DNAH17: variants seen among roughly 807,000 people sequenced by gnomAD.
The protein encoded by DNAH17 is axonemal beta dynein heavy chain 17.
Under a neutral mutation model 485.6 loss-of-function variants are expected in DNAH17, and 376 were observed. The ratio of observed to expected loss-of-function variants is 0.77; its 90% CI spans 0.71 to 0.84. The LOEUF is 0.84. DNAH17 is among the 40% of genes least tolerant of loss of function. The pLI, the probability that DNAH17 is intolerant of heterozygous loss-of-function variation, is 0.00. For synonymous variants in DNAH17, 3,031 were observed against 2,405.9 expected, an observed-to-expected ratio of 1.26 and a Z score of -7.60; for missense variants, 6,370 against 5,839.3, an observed-to-expected ratio of 1.09 and a Z score of -2.96.
At chr17:78,569,125 C>G (rs1305375778) in intron 9 of DNAH17, 41 bp downstream of exon 9, 1 of 1,495,730 alleles carries the variant, frequency 6.7e-7, no homozygotes, top group East Asian at 2.4e-5. Flanking sequence ...TAGGAGCAGT[C>G]TGGGAAGTGG....
intron 49 of DNAH17, among the ~76,000 whole-genome samples, chr17:78,480,252 G>A (rs957378293): frequency 2.6e-5 from 4 of 151,818 alleles, no homozygotes; most frequent in African/African-American, 9.7e-5. Context: ...GGGAGGCTGA[G>A]GCAGGAGAAT....
At position 78,514,822 on chromosome 17, in the gene DNAH17, G is replaced by T. The variant is rs2090737371; in HGVS notation, c.4065C>A (p.Asn1355Lys). 1.2e-6 allele frequency: 2 copies of T among 1,614,060 alleles called. No individual in the cohort carries two copies. Among genetic ancestry groups the T allele is most frequent in the Non-Finnish European group, 8.5e-7 (1 of 1,179,912 alleles). The change falls in exon 26 of 81, where the codon AAC becomes AAA. Residue 1355 changes from asparagine to lysine, a missense_variant. Asn to Lys is a moderately conservative substitution (Grantham distance 94). Coordinates refer to ENST00000389840, the MANE Select transcript of DNAH17 (RefSeq NM_173628.4). ...TSLRAVSELQNPAIRERHWQQ... is the reference protein window; with the variant it reads ...TSLRAVSELQKPAIRERHWQQ... The stretch of plus-strand genomic sequence containing the variant: ...GCCAGTGGCGTTCCCGAATGGCAGG[G>T]TTCTGCAGCTCGCTCACGGCACGCA...
intron 9 of DNAH17, 98 bp downstream of exon 9, chr17:78,569,062 CTGGGGG>C: frequency 1.1e-6 from 1 of 907,812 alleles, no homozygotes; most frequent in South Asian, 1.6e-5. Flanking sequence ...TATTTTCTGC[CTGGGGG>C]ATTATTGGCA....
At chr17:78,435,211 A>G (rs901591139) in intron 74 of DNAH17, among the ~76,000 whole-genome samples, 2 of 152,148 alleles carry the variant, frequency 1.3e-5, no homozygotes, top group African/African-American at 4.8e-5. Flanking sequence ...ACACCAGCCA[A>G]TGGGAGACTC....
chr17:78,560,038 G>C (rs554028630), intron 13 of DNAH17, among the ~76,000 whole-genome samples: 1 of 151,794 alleles, frequency 6.6e-6, no homozygotes, highest in Admixed American at 6.6e-5. Context: ...TCTTCCTTCC[G>C]CGGAACCTGT....
intron 16 of DNAH17, among the ~76,000 whole-genome samples, chr17:78,544,924 T>C (rs551262016): frequency 6.6e-6 from 1 of 152,000 alleles, no homozygotes; most frequent in Admixed American, 6.6e-5. Context: ...GATACATATA[T>C]GGTAACAAAA....
intron 70 of DNAH17, among the ~76,000 whole-genome samples, 167 bp from the exon 71 acceptor site, chr17:78,444,964 C>T (rs1258951135): frequency 6.6e-6 from 1 of 152,084 alleles, no homozygotes; most frequent in Non-Finnish European, 1.5e-5. Context: ...GCTGTCCATG[C>T]CCAGCTCAGG....
At chr17:78,442,146 G>A (rs972838534) in intron 71 of DNAH17, among the ~76,000 whole-genome samples, 13 of 152,072 alleles carry the variant, frequency 8.5e-5, no homozygotes, top group South Asian at 2.1e-4. Context: ...ACAAATGGCC[G>A]CATCCCGAAG....
intron 13 of DNAH17, among the ~76,000 whole-genome samples, chr17:78,560,478 T>C (rs1555695055): frequency 7.1e-6 from 1 of 141,188 alleles, no homozygotes; most frequent in Non-Finnish European, 1.6e-5. Flanking sequence ...CAAAGACTTT[T>C]TCCCCCCCCC....
Position 78,570,299 on chromosome 17 carries a change from G to C in DNAH17, c.992C>G (p.Pro331Arg). 1 of 1,602,386 alleles carries C rather than the reference G, an allele frequency of 6.2e-7. No individual in the cohort carries two copies. Reference sequence around the variant, plus strand: ...CTGCAGGATGACGATGATCCTGGCAGGTGTGTTATAGTACTCAGAGGTGGC... The same window carrying C: ...CTGCAGGATGACGATGATCCTGGCACGTGTGTTATAGTACTCAGAGGTGGC... ...IWATSEYYNT[P>R]ARIIVILQEF... The change falls in exon 7 of 81, where the codon CCT becomes CGT. Residue 331 changes from proline (P) to arginine (R), a missense_variant. Coordinates refer to ENST00000389840, the MANE Select transcript of DNAH17 (RefSeq NM_173628.4).
intron 14 of DNAH17, 100 bp from the exon 15 acceptor site, chr17:78,552,905 T>G (rs2091935180): frequency 1.2e-6 from 1 of 803,760 alleles, no homozygotes; most frequent in Admixed American, 1.9e-5. Context: ...TAATACGGTT[T>G]GGATCTGTGT....
In DNAH17 at chr17:78,485,007, TCTTCTCCAGCGG is replaced by T. The variant is rs2089534244; in HGVS notation, c.7498_7509del (p.Pro2500_Lys2503del). 1 of 1,612,676 alleles carries T rather than the reference TCTTCTCCAGCGG, an allele frequency of 6.2e-7. No homozygotes were observed. The highest frequency in any genetic ancestry group is 8.5e-7 in the Non-Finnish European group (1 of 1,179,236). On this transcript the variant is annotated inframe_deletion, in exon 48 of 81. Coordinates refer to ENST00000389840, the MANE Select transcript of DNAH17 (RefSeq NM_173628.4). ...GGCGGCCCGTAGTTCCTCCCCGATT[TCTTCTCCAGCGG>T]CTTCTCCAGCACCCCTAGAGAGGGC...
At chr17:78,478,943 T>G in intron 51 of DNAH17, 82 bp downstream of exon 51, 26 of 1,142,024 alleles carry the variant, frequency 2.3e-5, no homozygotes, top group Non-Finnish European at 3.4e-5. Context: ...CACACCTCCC[T>G]GAGAGCTGTG....
intron 66 of DNAH17, among the ~76,000 whole-genome samples, chr17:78,451,054 G>C (rs368358758): frequency 6.6e-6 from 1 of 152,224 alleles, no homozygotes; most frequent in African/African-American, 2.4e-5. Context: ...TTCCTGTCAC[G>C]GAGACTGTAG....
At chr17:78,499,327 C>T (rs911872008) in intron 36 of DNAH17, 26 of 399,216 alleles carry the variant, frequency 6.5e-5, no homozygotes, top group Middle Eastern at 6.5e-4. Context: ...GCCATCCTTT[C>T]ACCCTTGCCT....
intron 11 of DNAH17, among the ~76,000 whole-genome samples, chr17:78,563,751 A>C (rs1020231485): frequency 1.4e-5 from 2 of 147,918 alleles, no homozygotes; most frequent in Non-Finnish European, 3.0e-5. Context: ...TAACTCCGGA[A>C]CAGGCAGGGG....
Position 78,437,757 on chromosome 17 carries a change from T to C in DNAH17, c.11917A>G (p.Ser3973Gly). The change falls in exon 74 of 81, where the codon AGC (serine) becomes GGC (glycine). Residue 3973 changes from serine (S) to glycine (G), a missense_variant. Ser to Gly is a moderately conservative substitution (Grantham distance 56, BLOSUM62 0). Coordinates refer to ENST00000389840, the MANE Select transcript of DNAH17 (RefSeq NM_173628.4). ...TGGGGGATGATGTGGGTCTCGGGGCTGGGGGCAGGCTCCGCGCTGATGAAC... is the reference window on the plus strand; with the variant it reads ...TGGGGGATGATGTGGGTCTCGGGGCCGGGGGCAGGCTCCGCGCTGATGAAC... ...RVFISAEPAPSPETHIIPQGI... is the reference protein window; with the variant it reads ...RVFISAEPAPGPETHIIPQGI... 1 of 1,612,332 alleles carries C rather than the reference T, an allele frequency of 6.2e-7. No homozygotes were observed. Among genetic ancestry groups the C allele is most frequent in the Non-Finnish European group, 8.5e-7 (1 of 1,179,654 alleles).
At position 78,459,920 on chromosome 17, in the gene DNAH17, C is replaced by T. The variant is rs759137847; in HGVS notation, c.9517G>A (p.Ala3173Thr). ...NVTAAVMILT[A>T]PGGKIPKDKS... ...TCCTTGGGGATCTTGCCCCCAGGTGCGGTCAGAATCATGACGGCGGCGGTG... is the reference window on the plus strand; with the variant it reads ...TCCTTGGGGATCTTGCCCCCAGGTGTGGTCAGAATCATGACGGCGGCGGTG... Residue 3173 changes from alanine to threonine, a missense_variant, in exon 60 of 81, where the codon GCA (alanine) becomes ACA (threonine). Physicochemically the swap from Ala to Thr is moderately conservative, Grantham distance 58. Transcript: ENST00000389840. The T allele has an allele frequency of 2.9e-5, 46 of 1,613,906 alleles. No homozygotes were observed. In the South Asian group the frequency reaches 3.0e-4, roughly 10 times the overall value.
rs1325309984 is a variant in DNAH17, at chr17:78,446,312, C to T, written c.11212-632G>A. On this transcript the variant is annotated intron_variant, in intron 69 of 80. Coordinates refer to ENST00000389840, the MANE Select transcript of DNAH17 (RefSeq NM_173628.4). ...CAGGACTTTTTTGTTACCCCCTCGCCCCTGAAGCAGCCACTCCCCATCGCC... is the reference window on the plus strand; with the variant it reads ...CAGGACTTTTTTGTTACCCCCTCGCTCCTGAAGCAGCCACTCCCCATCGCC... Among the ~76,000 whole-genome samples, 2 of 152,044 alleles carry T rather than the reference C, an allele frequency of 1.3e-5. 1 individual carries two copies. Among genetic ancestry groups the T allele is most frequent in the African/African-American group, 4.8e-5 (2 of 41,350 alleles).
Sources: allele counts gnomAD v4.1 joint callset (sites outside exome capture counted in the v4.1 genomes callset), GRCh38; gene constraint gnomAD v4.1.1; transcripts MANE v1.5; gene names NCBI Gene and HGNC (gene_info 2026-07-23, HGNC 2026-07-21).